The following PHRF1 variants were observed in gnomAD, a reference collection of about 807,000 sequenced individuals.
The protein encoded by PHRF1 is PHD and RING finger domain-containing protein 1.
In PHRF1, 53 loss-of-function variants were observed where a neutral mutation model predicts 128.9. The ratio of observed to expected loss-of-function variants is 0.41; its 90% CI spans 0.33 to 0.52. The LOEUF (loss-of-function observed/expected upper bound fraction) is 0.52. Ranked by LOEUF, PHRF1 falls within the 20% of genes least tolerant of loss-of-function variation. The pLI, the probability that PHRF1 is intolerant of heterozygous loss-of-function variation, is 0.21. For synonymous variants in PHRF1, 1,178 were observed against 980.6 expected, an observed-to-expected ratio of 1.20 and a Z score of -3.76; for missense variants, 2,503 against 2,284.5, an observed-to-expected ratio of 1.10 and a Z score of -1.95.
rs757331717 is a variant in PHRF1, at chr11:605,296, G to A, written c.1330G>A (p.Asp444Asn). The change falls in exon 11 of 18, where the codon GAC becomes AAC. Residue 444 changes from aspartate (D) to asparagine (N), a missense_variant. Asp to Asn is a conservative substitution (Grantham distance 23). Coordinates refer to ENST00000264555, the MANE Select transcript of PHRF1 (RefSeq NM_001286581.2). ...AGATCCTTATGAGCTGGATCCCTTC[G>A]ACAGGTGAGTGAACTGGTGATGGTC... is the stretch of plus-strand genomic sequence containing the variant. Reference protein sequence around the residue: ...FGDPYELDPFDSSEELSANPL... With the variant: ...FGDPYELDPFNSSEELSANPL... 26 of 1,612,878 alleles carry A rather than the reference G, an allele frequency of 1.6e-5. No homozygotes were observed. Among genetic ancestry groups the A allele is most frequent in the Non-Finnish European group, 2.0e-5 (24 of 1,179,418 alleles).
At chr11:606,770 C>A (rs72844713) in intron 13 of PHRF1, 174 bp downstream of exon 13, 1 of 1,025,718 alleles carries the variant, frequency 9.7e-7, no homozygotes, top group Non-Finnish European at 1.4e-6. Flanking sequence ...CAGTTAGCTC[C>A]GAGTTCTTAC....
rs768536163 is a variant in PHRF1 at position 608,611 on chromosome 11, G to A, written c.3155G>A (p.Arg1052Gln). 9 of 1,612,058 alleles carry A rather than the reference G, an allele frequency of 5.6e-6. No individual in the cohort carries two copies. The highest frequency in any genetic ancestry group is 2.7e-5 in the African/African-American group (2 of 74,914). Residue 1052 changes from arginine to glutamine, a missense_variant, in exon 14 of 18, where the codon CGG (arginine) becomes CAG (glutamine). Transcript: ENST00000264555. ...AGGCAGCGGTCCAAGGCCAAGAGCC[G>A]GCGGTCCTCCAGTGACCGCTCCAGC... is the stretch of plus-strand genomic sequence containing the variant. ...PRRQRSKAKS[R>Q]RSSSDRSSSR...
At position 608,695 on chromosome 11, in the gene PHRF1, G is replaced by T. The variant is rs750150266; in HGVS notation, c.3239G>T (p.Gly1080Val). Residue 1080 changes from glycine (G) to valine (V), a missense_variant, in exon 14 of 18, where the codon GGC becomes GTC. By Grantham distance (109) the Gly-to-Val change is moderately radical (BLOSUM62 -3). Coordinates refer to ENST00000264555, the MANE Select transcript of PHRF1 (RefSeq NM_001286581.2). ...GACAAGAGCAGGGAGCACAGGCGGGGCCCCTGGGGCCACAGCCGGAGGACG... is the reference window on the plus strand; with the variant it reads ...GACAAGAGCAGGGAGCACAGGCGGGTCCCCTGGGGCCACAGCCGGAGGACG... ...AKDKSREHRRGPWGHSRRTSR... is the reference protein window; with the variant it reads ...AKDKSREHRRVPWGHSRRTSR... The T allele has an allele frequency of 1.2e-6, 2 of 1,610,954 alleles. No homozygotes were observed. Among genetic ancestry groups the T allele is most frequent in the Admixed American group, 1.7e-5 (1 of 59,802 alleles).
rs1181282908 is a variant in PHRF1, at chr11:585,680, C to T, written c.215-1579C>T. Among the ~76,000 whole-genome samples the T allele has an allele frequency of 2.0e-4, 14 of 70,344 alleles. 2 individuals are homozygous for T. The highest frequency in any genetic ancestry group is 2.3e-4 in the Non-Finnish European group (8 of 34,168). The allele number at this position is 70,344 out of a possible 152,430, so 46.1% of individuals were successfully genotyped here. A position where few individuals can be genotyped will look rare whatever the true frequency, so the allele number is the denominator to read the frequency against. On this transcript the variant is annotated intron_variant, in intron 3 of 17. Coordinates refer to ENST00000264555, the MANE Select transcript of PHRF1 (RefSeq NM_001286581.2). ...AGCTTGAGGTAGTAGCTCTTCAACT[C>T]TTTTTTTTTTTTTTTTTTGAGGTCG...
chr11:599,193 T>A (rs1855482933), intron 9 of PHRF1, among the ~76,000 whole-genome samples: 1 of 152,062 alleles, frequency 6.6e-6, no homozygotes, highest in African/African-American at 2.4e-5. Context: ...TTCTAATCTG[T>A]GATCTTTTAG....
rs201489397 is a variant in PHRF1 at position 608,929 on chromosome 11, G to A, written c.3473G>A (p.Arg1158Gln). The A allele has an allele frequency of 4.3e-4, 698 of 1,611,786 alleles. No individual in the cohort carries two copies. Among genetic ancestry groups the A allele is most frequent in the Middle Eastern group, 1.7e-3 (10 of 6,056 alleles). ...RKESVAWPRD[R>Q]RKRRSRSPSS... is the part of the protein sequence containing the mutation. Reference sequence around the variant, plus strand: ...GAGAGTGTGGCGTGGCCCCGAGACCGGAGGAAGCGGAGGTCCCGGTCCCCA... The same window carrying A: ...GAGAGTGTGGCGTGGCCCCGAGACCAGAGGAAGCGGAGGTCCCGGTCCCCA... Residue 1158 changes from arginine (R) to glutamine (Q), a missense_variant, in exon 14 of 18, where the codon CGG (arginine) becomes CAG (glutamine). Arg to Gln is a conservative substitution (Grantham distance 43). Coordinates refer to ENST00000264555, the MANE Select transcript of PHRF1 (RefSeq NM_001286581.2).
At position 591,405 on chromosome 11, in the gene PHRF1, G is replaced by T; in HGVS notation, c.442G>T (p.Asp148Tyr). The T allele has an allele frequency of 6.2e-7, 1 of 1,609,860 alleles. No homozygotes were observed. Among genetic ancestry groups the T allele is most frequent in the South Asian group, 1.1e-5 (1 of 90,148 alleles). Residue 148 changes from aspartate to tyrosine, a missense_variant, in exon 5 of 18, where the codon GAT (aspartate) becomes TAT (tyrosine). Physicochemically the swap from Asp to Tyr is radical, Grantham distance 160. Coordinates refer to ENST00000264555, the MANE Select transcript of PHRF1 (RefSeq NM_001286581.2). The stretch of plus-strand genomic sequence containing the variant: ...ACAGAATGCCAATTCCTGTCCAGTT[G>T]ATCGAACTCTATTTAAGTGCATTTG... Reference protein sequence around the residue: ...WSKNANSCPVDRTLFKCICIR... With the variant: ...WSKNANSCPVYRTLFKCICIR...
intron 3 of PHRF1, among the ~76,000 whole-genome samples, chr11:582,467 C>G (rs1589858044): frequency 6.6e-6 from 1 of 151,882 alleles, no homozygotes; most frequent in Non-Finnish European, 1.5e-5. Flanking sequence ...CGGGGTTTCA[C>G]CATCTGGTCT....
In PHRF1 at chr11:610,181, C is replaced by G. The variant is rs747220061; in HGVS notation, c.4265-15C>G. 4 of 1,489,182 alleles carry G rather than the reference C, an allele frequency of 2.7e-6. No homozygotes were observed. The highest frequency in any genetic ancestry group is 2.7e-6 in the Non-Finnish European group (3 of 1,114,518). 92.2% of individuals were successfully genotyped at this position (1,489,182 alleles called of 1,614,324 possible). ...GGGCACAGAGCACCCACCTCCCTGT[C>G]TGTCGGGCCCCCAGGGGCACCACTT... is the stretch of plus-strand genomic sequence containing the variant. On this transcript the variant is annotated splice_polypyrimidine_tract_variant and intron_variant, in intron 14 of 17. Coordinates refer to ENST00000264555, the MANE Select transcript of PHRF1 (RefSeq NM_001286581.2).
intron 11 of PHRF1, 75 bp from the exon 12 acceptor site, chr11:605,530 G>A (rs1328093019): frequency 1.1e-5 from 17 of 1,579,128 alleles, no homozygotes; most frequent in East Asian, 6.7e-5. Context: ...ATCCTCCTCC[G>A]TGCCGTCTCC....
Position 610,363 on chromosome 11 carries a change from G to A in PHRF1, c.4416+16G>A. On this transcript the variant is annotated intron_variant, in intron 15 of 17. Coordinates refer to ENST00000264555, the MANE Select transcript of PHRF1 (RefSeq NM_001286581.2). ...CCCCTCTCAGGTGGGTGTCTGGGCT[G>A]GAGGGCTGTGGGCCGTGGGCAGTGG... The A allele has an allele frequency of 6.4e-7, 1 of 1,550,490 alleles. No homozygotes were observed. The highest frequency in any genetic ancestry group is 8.7e-7 in the Non-Finnish European group (1 of 1,146,350).
chr11:588,997 G>A (rs987733217), intron 4 of PHRF1, among the ~76,000 whole-genome samples: 3 of 151,978 alleles, frequency 2.0e-5, no homozygotes, highest in East Asian at 1.9e-4. Context: ...TTATCCGGGC[G>A]TGGTACCACG....
intron 9 of PHRF1, 96 bp from the exon 10 acceptor site, chr11:601,478 C>T (rs1292914974): frequency 5.8e-6 from 9 of 1,543,798 alleles, no homozygotes; most frequent in Middle Eastern, 1.8e-4. Context: ...CCCGCTGTAC[C>T]GGCTCCTTGG....
At chr11:600,493 A>AAT (rs35825045) in intron 9 of PHRF1, among the ~76,000 whole-genome samples, 17,994 of 129,018 alleles carry the variant, frequency 0.14, 1,264 homozygotes, top group East Asian at 0.21. Flanking sequence ...TGTCTCCAAA[A>AAT]ATATATATAT....
At position 598,455 on chromosome 11, in the gene PHRF1, A is replaced by G. The variant is rs1855431769; in HGVS notation, c.977A>G (p.Gln326Arg). 1 of 1,610,964 alleles carries G rather than the reference A, an allele frequency of 6.2e-7. No homozygotes were observed. Among genetic ancestry groups the G allele is most frequent in the Non-Finnish European group, 8.5e-7 (1 of 1,179,724 alleles). Residue 326 changes from glutamine to arginine, a missense_variant, in exon 9 of 18, where the codon CAG (glutamine) becomes CGG (arginine). Coordinates refer to ENST00000264555, the MANE Select transcript of PHRF1 (RefSeq NM_001286581.2). ...VATGLSTAVY[Q>R]RPLTPRTPAR... The stretch of plus-strand genomic sequence containing the variant: ...ACTGGCCTGAGCACTGCCGTGTATC[A>G]GCGCCCCCTGACGCCGCGCACTCCC...
rs569451347 is a variant in PHRF1 at position 609,841 on chromosome 11, G to A, written c.4264+121G>A. On this transcript the variant is annotated intron_variant, in intron 14 of 17. Transcript: ENST00000264555. ...GCCTCCACCGAGGACAGAGCCCCCC[G>A]TGAGTAGGGCCCTGGCCTCCGCTGA... 729 of 671,412 alleles carry A rather than the reference G, an allele frequency of 1.1e-3. 3 individuals carry two copies. The highest frequency in any genetic ancestry group is 9.9e-4 in the Non-Finnish European group (416 of 418,324). 41.6% of individuals were successfully genotyped at this position (671,412 alleles called of 1,614,324 possible). A position where few individuals can be genotyped will look rare whatever the true frequency, so the allele number is the denominator to read the frequency against.
intron 3 of PHRF1, among the ~76,000 whole-genome samples, chr11:582,906 C>T (rs1289917500): frequency 3.3e-5 from 5 of 151,174 alleles, no homozygotes; most frequent in African/African-American, 7.3e-5. Context: ...TGGTGGTAGA[C>T]GCCTGTAATC....
rs1336027512 is a variant in PHRF1 at position 597,488 on chromosome 11, G to A, written c.812G>A (p.Arg271Gln). Residue 271 changes from arginine to glutamine, a missense_variant, in exon 8 of 18, where the codon CGG becomes CAG. By Grantham distance (43) the Arg-to-Gln change is conservative. Coordinates refer to ENST00000264555, the MANE Select transcript of PHRF1 (RefSeq NM_001286581.2). This position sits in a 1 kb window ranked among gnomAD's most constrained non-coding sequence, Gnocchi z 6.5. ...CTTCGGCCTCGAGCAGGTAGGACCCGGGCGATAGCCAGGACACGGCAGAGT... is the reference window on the plus strand; with the variant it reads ...CTTCGGCCTCGAGCAGGTAGGACCCAGGCGATAGCCAGGACACGGCAGAGT... ...SRLRPRAGRT[R>Q]AIARTRQSER... 7 of 1,612,588 alleles carry A rather than the reference G, an allele frequency of 4.3e-6. No individual in the cohort carries two copies. The highest frequency in any genetic ancestry group is 5.9e-6 in the Non-Finnish European group (7 of 1,179,562).
chr11:595,359 A>G (rs1225588955), intron 6 of PHRF1, among the ~76,000 whole-genome samples: 1 of 152,126 alleles, frequency 6.6e-6, no homozygotes, highest in Non-Finnish European at 1.5e-5. Context: ...ATGAAATAAG[A>G]TACAGTTTCT....
Sources: allele counts gnomAD v4.1 joint callset (sites outside exome capture counted in the v4.1 genomes callset), GRCh38; gene constraint gnomAD v4.1.1; non-coding constraint Gnocchi (gnomAD v3.1); transcripts MANE v1.5; gene names NCBI Gene and HGNC (gene_info 2026-07-23, HGNC 2026-07-21).